Variants in TOM1L2 observed in about 807,000 individuals in gnomAD.
TOM1L2 encodes TOM1-like protein 2.
TOM1L2 carries 31 observed loss-of-function variants against 67.9 expected under a neutral mutation model. That is an observed-to-expected ratio of 0.46 (90% CI 0.34 to 0.62). TOM1L2 has a LOEUF of 0.62. Ranked by LOEUF, TOM1L2 falls within the 20% of genes least tolerant of loss-of-function variation. The pLI is 0.01. For synonymous variants in TOM1L2, 256 were observed against 254.0 expected (o/e 1.01, Z -0.07); for missense variants, 606 against 663.5 (o/e 0.91, Z 0.95).
intron 1 of TOM1L2, among the ~76,000 whole-genome samples, chr17:17,921,325 C>T (rs551652880): frequency 1.3e-3 from 198 of 152,294 alleles, no homozygotes; most frequent in African/African-American, 4.4e-3. Context: ...CACACAGGCC[C>T]GAGGCTGCTG....
At chr17:17,882,587 CT>C in intron 6 of TOM1L2, 117 bp downstream of exon 6, 1 of 1,376,352 alleles carries the variant, frequency 7.3e-7, no homozygotes, top group Non-Finnish European at 9.9e-7. Flanking sequence ...GCCCTTCCAT[CT>C]CTGTGTCCCT....
intron 1 of TOM1L2, among the ~76,000 whole-genome samples, chr17:17,913,908 T>C (rs1191294741): frequency 6.6e-6 from 1 of 152,188 alleles, no homozygotes; most frequent in African/African-American, 2.4e-5. Context: ...CAAAGTGCAA[T>C]CTCTGTACTT....
intron 1 of TOM1L2, among the ~76,000 whole-genome samples, chr17:17,951,573 T>C (rs910348185): frequency 6.6e-6 from 1 of 152,108 alleles, no homozygotes; most frequent in East Asian, 1.9e-4. Context: ...AAAAACCATA[T>C]GAAAATTAAC....
intron 1 of TOM1L2, among the ~76,000 whole-genome samples, chr17:17,971,478 C>T (rs543941103): frequency 6.6e-6 from 1 of 152,126 alleles, no homozygotes; most frequent in Non-Finnish European, 1.5e-5. Flanking sequence ...AGAGCCCCTC[C>T]TCCTATCCCA....
chr17:17,867,073 G>C, intron 8 of TOM1L2, 149 bp from the exon 9 acceptor site: 1 of 722,766 alleles, frequency 1.4e-6, no homozygotes, highest in Non-Finnish European at 2.5e-6. Context: ...TATCAACTCT[G>C]CCACGGCTTC....
chr17:17,864,677 G>C (rs975987988), intron 10 of TOM1L2, among the ~76,000 whole-genome samples: 1 of 151,880 alleles, frequency 6.6e-6, no homozygotes, highest in African/African-American at 2.4e-5. Flanking sequence ...ATGCCCAGCT[G>C]ATTTTTGTAT....
intron 4 of TOM1L2, among the ~76,000 whole-genome samples, chr17:17,888,136 G>A (rs2038090301): frequency 6.6e-6 from 1 of 152,174 alleles, no homozygotes; most frequent in East Asian, 1.9e-4. Flanking sequence ...GTGATGCAGC[G>A]GTGTGAGCAC....
intron 7 of TOM1L2, among the ~76,000 whole-genome samples, chr17:17,873,957 TA>T (rs1226788269): frequency 2.0e-5 from 3 of 151,554 alleles, no homozygotes; most frequent in East Asian, 3.9e-4. Flanking sequence ...TTTACTTACT[TA>T]TTTTTTTTTT....
chr17:17,906,137 T>C (rs2039089611), intron 2 of TOM1L2, among the ~76,000 whole-genome samples: 1 of 151,714 alleles, frequency 6.6e-6, no homozygotes, highest in Non-Finnish European at 1.5e-5. Flanking sequence ...TTTTCATTTT[T>C]TTTTTTTTTG....
At chr17:17,900,114 G>A (rs888782339) in intron 2 of TOM1L2, among the ~76,000 whole-genome samples, 9 of 152,124 alleles carry the variant, frequency 5.9e-5, no homozygotes, top group Non-Finnish European at 1.2e-4. Context: ...TCGGGAGGCT[G>A]AGGCAGGAGA....
chr17:17,963,380 A>G (rs773045572), intron 1 of TOM1L2, among the ~76,000 whole-genome samples: 1 of 152,206 alleles, frequency 6.6e-6, no homozygotes, highest in African/African-American at 2.4e-5. Flanking sequence ...TTCTTGTCCA[A>G]ATGGAAACAG....
chr17:17,887,930 G>A (rs981861212), intron 4 of TOM1L2, among the ~76,000 whole-genome samples: 4 of 152,230 alleles, frequency 2.6e-5, no homozygotes, highest in Admixed American at 2.0e-4. Flanking sequence ...TGGCCACTTA[G>A]GCTGTCAACA....
At chr17:17,890,818 T>G (rs1197532732) in intron 4 of TOM1L2, among the ~76,000 whole-genome samples, 1 of 152,170 alleles carries the variant, frequency 6.6e-6, no homozygotes, top group Non-Finnish European at 1.5e-5. Flanking sequence ...TGTATACACT[T>G]TTATGTGTGA....
chr17:17,862,306 T>C (rs371718506), intron 11 of TOM1L2: 3 of 158,168 alleles, frequency 1.9e-5, no homozygotes, highest in South Asian at 1.9e-4. Flanking sequence ...CAGAGGAGCC[T>C]CTGCTCTGAC....
intron 1 of TOM1L2, among the ~76,000 whole-genome samples, chr17:17,917,686 GC>G (rs1374964133): frequency 6.6e-6 from 1 of 151,668 alleles, no homozygotes; most frequent in Non-Finnish European, 1.5e-5. Flanking sequence ...TCCCAGGCCA[GC>G]TCATGCCTGT....
intron 1 of TOM1L2, among the ~76,000 whole-genome samples, chr17:17,918,254 T>G (rs1040678852): frequency 9.9e-5 from 15 of 152,170 alleles, no homozygotes; most frequent in African/African-American, 3.4e-4. Flanking sequence ...GTTTTTCTTT[T>G]TTTTTTTGTT....
chr17:17,953,314 T>G (rs111367898), intron 1 of TOM1L2, among the ~76,000 whole-genome samples: 39 of 152,270 alleles, frequency 2.6e-4, no homozygotes, highest in African/African-American at 9.1e-4. Flanking sequence ...AAATGTTATG[T>G]TATGTGTATT....
At chr17:17,847,910 G>T in intron 14 of TOM1L2, 127 bp from the exon 15 acceptor site, 1 of 1,269,474 alleles carries the variant, frequency 7.9e-7, no homozygotes, top group Non-Finnish European at 1.1e-6. Flanking sequence ...GAGCAGGTGG[G>T]TAGGGAGGGG....
rs77634794 is a variant in TOM1L2 at position 17,893,371 on chromosome 17, T to C, written c.366+290A>G. ...GTAGCTCTAACATGGTTCTTCCTAC[T>C]CCAAGTTTTCTCAGAGGCCTGTTGA... On this transcript the variant is annotated intron_variant, in intron 4 of 14. Transcript: ENST00000379504. Among the ~76,000 whole-genome samples, 1,007 of 152,230 alleles carry C rather than the reference T, an allele frequency of 6.6e-3. 14 individuals are homozygous for C. Among genetic ancestry groups the C allele is most frequent in the East Asian group, 0.064 (333 of 5,168 alleles).
Sources: allele counts gnomAD v4.1 joint callset (sites outside exome capture counted in the v4.1 genomes callset), GRCh38; gene constraint gnomAD v4.1.1; transcripts MANE v1.5; gene names NCBI Gene and HGNC (gene_info 2026-07-23, HGNC 2026-07-21).